Variants in TRPM4 observed in about 807,000 individuals in gnomAD.
The protein encoded by TRPM4 is transient receptor potential cation channel subfamily M member 4, also known as calcium-activated non-selective cation channel 1.
In TRPM4, 124 loss-of-function variants were observed where a neutral mutation model predicts 135.6. The ratio of observed to expected loss-of-function variants is 0.91; its 90% CI spans 0.79 to 1.06. TRPM4 has a LOEUF of 1.06. Among genes scored for constraint, TRPM4 ranks in the 50% least tolerant of loss-of-function variants. The pLI is 0.00. For missense variants in TRPM4, 1,658 were observed against 1,671.4 expected, an observed-to-expected ratio of 0.99 and a Z score of 0.14; for synonymous variants, 745 against 705.6, an observed-to-expected ratio of 1.06 and a Z score of -0.88.
At chr19:49,161,796 A>G (rs1600389576) in intron 2 of TRPM4, among the ~76,000 whole-genome samples, 1 of 151,964 alleles carries the variant, frequency 6.6e-6, no homozygotes, top group African/African-American at 2.4e-5. Context: ...CGCCTGGCTA[A>G]TTTTTGTACT....
chr19:49,179,344 A>T (rs10404184), intron 9 of TRPM4, among the ~76,000 whole-genome samples: 14 of 150,216 alleles, frequency 9.3e-5, no homozygotes, highest in Non-Finnish European at 1.5e-4. Flanking sequence ...CATGAGCCAC[A>T]GCATCCAGCC....
In TRPM4 at chr19:49,211,517, AAGG is replaced by A. The variant is rs752477935; in HGVS notation, c.*22_*24del. The A allele has an allele frequency of 1.2e-6, 2 of 1,613,758 alleles. No homozygotes were observed. The highest frequency in any genetic ancestry group is 1.7e-6 in the Non-Finnish European group (2 of 1,180,002). ...AGACTGAGCCCTGCTGGCGGACTTC[AAGG>A]AGAAGCCCCCACAGGGGATTTTGCT... On this transcript the variant is annotated 3_prime_UTR_variant, in exon 25 of 25. Transcript: ENST00000252826. This position sits in a 1 kb window ranked among gnomAD's most constrained non-coding sequence, Gnocchi z 4.8.
chr19:49,210,181 A>G lies in TRPM4; in HGVS notation c.3132-28A>G, dbSNP rs769447491. ...TGCCCCTGGCTGGGCCCTGACCTCA[A>G]GTGACCTTTGACCTCTGGCCTTTGC... On this transcript the variant is annotated intron_variant, in intron 20 of 24. Coordinates refer to ENST00000252826, the MANE Select transcript of TRPM4 (RefSeq NM_017636.4). The surrounding 1 kb of genome is among the most constrained non-coding windows in gnomAD (Gnocchi z 4.1). The G allele has an allele frequency of 4.3e-6, 7 of 1,613,928 alleles. No individual in the cohort carries two copies. Among genetic ancestry groups the G allele is most frequent in the South Asian group, 3.3e-5 (3 of 91,088 alleles).
intron 16 of TRPM4, among the ~76,000 whole-genome samples, chr19:49,194,819 G>A (rs1968569900): frequency 7.6e-6 from 1 of 132,338 alleles, no homozygotes; most frequent in African/African-American, 2.9e-5. Context: ...CTGAAGTATA[G>A]TAGCTTGATC....
rs566320316 is a variant in TRPM4, at chr19:49,175,294, C to T, written c.1150+3186C>T. Among the ~76,000 whole-genome samples, 4 of 152,142 alleles carry T rather than the reference C, an allele frequency of 2.6e-5. No homozygotes were observed. In the East Asian group the frequency reaches 5.8e-4, roughly 22 times the overall value. Reference sequence around the variant, plus strand: ...TTCTCCATATTGGTCAGGCTGGTCTCGAACTCCCGACCTCGGGTGATCCGC... The same window carrying T: ...TTCTCCATATTGGTCAGGCTGGTCTTGAACTCCCGACCTCGGGTGATCCGC... On this transcript the variant is annotated intron_variant, in intron 9 of 24. Transcript: ENST00000252826.
rs925991928 is a variant in TRPM4 at position 49,188,935 on chromosome 19, C to A, written c.1874-11C>A. ...CCCATCCCTGTCACATAACTAACTC[C>A]TCTGCCCCAGACCTCTTTGGCGAGT... On this transcript the variant is annotated splice_polypyrimidine_tract_variant and intron_variant, in intron 13 of 24. Transcript: ENST00000252826. The A allele has an allele frequency of 6.2e-7, 1 of 1,614,128 alleles. No individual in the cohort carries two copies. The highest frequency in any genetic ancestry group is 1.7e-5 in the Admixed American group (1 of 60,020).
chr19:49,171,877 G>T lies in TRPM4; in HGVS notation c.1050+108G>T, dbSNP rs145787750. ...CTGGGGGCCTGGACTTCCAGGTTCCGGGAGAAGAGGGTGCTGGGCATATAG... is the reference window on the plus strand; with the variant it reads ...CTGGGGGCCTGGACTTCCAGGTTCCTGGAGAAGAGGGTGCTGGGCATATAG... On this transcript the variant is annotated intron_variant, in intron 8 of 24. Transcript: ENST00000252826. This position sits in a 1 kb window ranked among gnomAD's most constrained non-coding sequence, Gnocchi z 4.7. 4.1e-5 allele frequency: 57 copies of T among 1,400,060 alleles called. No individual in the cohort carries two copies. The highest frequency in any genetic ancestry group is 5.3e-5 in the Non-Finnish European group (53 of 998,998). 86.7% of individuals were successfully genotyped at this position (1,400,060 alleles called of 1,614,324 possible). A position where few individuals can be genotyped will look rare whatever the true frequency, so the allele number is the denominator to read the frequency against.
In TRPM4 at chr19:49,187,667, T is replaced by C. The variant is rs150459845; in HGVS notation, c.1744-974T>C. On this transcript the variant is annotated intron_variant, in intron 12 of 24. Transcript: ENST00000252826. ...AGCCGATTTATCAAAACAAGGAAAGTGTAATGGAGAAAGAGTAATTCGCGC... is the reference window on the plus strand; with the variant it reads ...AGCCGATTTATCAAAACAAGGAAAGCGTAATGGAGAAAGAGTAATTCGCGC... 7.2e-5 allele frequency among the ~76,000 whole-genome samples: 11 copies of C among 151,970 alleles called. No individual in the cohort carries two copies. In the East Asian group the frequency reaches 2.1e-3, roughly 29 times the overall value.
intron 3 of TRPM4, among the ~76,000 whole-genome samples, chr19:49,167,222 T>C (rs968826569): frequency 6.0e-3 from 415 of 69,734 alleles, no homozygotes; most frequent in South Asian, 7.4e-3. Flanking sequence ...TCTCTGTCCC[T>C]CTCTCTCTGG....
At chr19:49,189,647 A>T (rs767477626) in intron 14 of TRPM4, among the ~76,000 whole-genome samples, 8 of 151,872 alleles carry the variant, frequency 5.3e-5, no homozygotes, top group Non-Finnish European at 1.0e-4. Context: ...AGTCTCTCCG[A>T]TCCTGACAAG....
At position 49,200,433 on chromosome 19, in the gene TRPM4, G is replaced by A. The variant is rs756554490; in HGVS notation, c.2778+1G>A. On this transcript the variant is annotated splice_donor_variant, in intron 18 of 24. Coordinates refer to ENST00000252826, the MANE Select transcript of TRPM4 (RefSeq NM_017636.4). LOFTEE classifies it high-confidence loss of function. ...CAAGATCGTCATCGTGAGCAAGATG[G>A]TGAGGCAGGGGCGGGGCCAAAGTGG... 7.0e-5 allele frequency: 113 copies of A among 1,611,204 alleles called. No homozygotes were observed. Among genetic ancestry groups the A allele is most frequent in the Non-Finnish European group, 9.2e-5 (108 of 1,178,546 alleles).
In TRPM4 at chr19:49,182,237, T is replaced by C. The variant is rs147467616; in HGVS notation, c.1264-341T>C. On this transcript the variant is annotated intron_variant, in intron 10 of 24. Coordinates refer to ENST00000252826, the MANE Select transcript of TRPM4 (RefSeq NM_017636.4). ...CCATTCATCCATCCATCCATCCATC[T>C]ATCCATCCATCCATCTGTCCATCCA... Among the ~76,000 whole-genome samples, 42,723 of 124,166 alleles carry C rather than the reference T, an allele frequency of 0.34. 7,671 individuals carry two copies. Among genetic ancestry groups the C allele is most frequent in the African/African-American group, 0.44 (13,873 of 31,530 alleles). 81.5% of individuals were successfully genotyped at this position (124,166 alleles called of 152,430 possible).
chr19:49,171,516 C>T lies in TRPM4; in HGVS notation c.859-62C>T, dbSNP rs1274214143. On this transcript the variant is annotated intron_variant, in intron 7 of 24. Transcript: ENST00000252826. This position sits in a 1 kb window ranked among gnomAD's most constrained non-coding sequence, Gnocchi z 4.7. ...TAGGGAGGGTCTGGGGGTCTGACTCCGGGTAGGGTGAATATCCTGCCTTTT... is the reference window on the plus strand; with the variant it reads ...TAGGGAGGGTCTGGGGGTCTGACTCTGGGTAGGGTGAATATCCTGCCTTTT... 12 of 1,611,358 alleles carry T rather than the reference C, an allele frequency of 7.4e-6. No homozygotes were observed. Among genetic ancestry groups the T allele is most frequent in the South Asian group, 5.5e-5 (5 of 91,016 alleles).
At chr19:49,160,060 A>G (rs997150015) in intron 2 of TRPM4, 1 of 152,242 alleles carries the variant, frequency 6.6e-6, no homozygotes, top group African/African-American at 2.4e-5. Flanking sequence ...AAGACGAGCC[A>G]CTGGGCTCTG....
At position 49,168,575 on chromosome 19, in the gene TRPM4, G is replaced by A. The variant is rs183306159; in HGVS notation, c.635G>A (p.Arg212Gln). The A allele has an allele frequency of 1.3e-5, 21 of 1,613,860 alleles. No homozygotes were observed. Among genetic ancestry groups the A allele is most frequent in the Middle Eastern group, 1.6e-4 (1 of 6,062 alleles). The change falls in exon 6 of 25, where the codon CGG becomes CAG. Residue 212 changes from arginine to glutamine, a missense_variant. Transcript: ENST00000252826. ...TAGGGCTCGTTCCCTGCGAGGTACC[G>A]GTGGCGCGGTGACCCGGAGGACGGG... ...NPKGSFPARY[R>Q]WRGDPEDGVQ... is the part of the protein sequence containing the mutation.
intron 20 of TRPM4, among the ~76,000 whole-genome samples, chr19:49,203,057 A>AT (rs1223035518): frequency 6.0e-5 from 9 of 151,040 alleles, no homozygotes; most frequent in Non-Finnish European, 7.4e-5. Flanking sequence ...CGCCCAGCTA[A>AT]TTTTTTTGTA....
At chr19:49,189,116 CCAAA>C in intron 14 of TRPM4, 25 bp downstream of exon 14, 13 of 1,613,530 alleles carry the variant, frequency 8.1e-6, no homozygotes, top group Non-Finnish European at 1.1e-5. Flanking sequence ...CACCAACATC[CCAAA>C]CAGTCTCCAA....
At chr19:49,207,946 A>G (rs1388392935) in intron 20 of TRPM4, among the ~76,000 whole-genome samples, 1 of 152,090 alleles carries the variant, frequency 6.6e-6, no homozygotes, top group East Asian at 1.9e-4. Flanking sequence ...TTTATTGGAT[A>G]CAAAGCAAAA....
intron 2 of TRPM4, among the ~76,000 whole-genome samples, chr19:49,162,084 C>T (rs1041729506): frequency 2.6e-5 from 4 of 152,048 alleles, no homozygotes; most frequent in East Asian, 1.9e-4. Flanking sequence ...GCAGCCGGGG[C>T]GGGGAGGAAG....
Sources: gnomAD v4.1 joint callset for allele counts (sites outside exome capture counted in the v4.1 genomes callset) on GRCh38, gnomAD v4.1.1 for gene constraint, Gnocchi (gnomAD v3.1) non-coding constraint, MANE v1.5 for transcripts, NCBI Gene and HGNC (gene_info 2026-07-23, HGNC 2026-07-21) for gene names.